Variants in GDF3 observed in about 807,000 individuals in gnomAD.
GDF3 encodes the protein growth/differentiation factor 3.
GDF3 carries 10 observed loss-of-function variants against 10.2 expected under a neutral mutation model. The ratio of observed to expected loss-of-function variants is 0.98; its 90% confidence interval spans 0.60 to 1.66. The LOEUF (loss-of-function observed/expected upper bound fraction) is 1.66, where lower values mean the gene tolerates loss of function less well. GDF3 is among the 40% of genes most tolerant of loss of function. The pLI is 0.00. For synonymous variants in GDF3, 166 were observed against 178.5 expected, an observed-to-expected ratio of 0.93 and a Z score of 0.56; for missense variants, 450 against 438.3, an observed-to-expected ratio of 1.03 and a Z score of -0.24.
At chr12:7,694,697 T>C (rs137944689) in intron 1 of GDF3, among the ~76,000 whole-genome samples, 140 of 152,114 alleles carry the variant, frequency 9.2e-4, no homozygotes, top group African/African-American at 3.2e-3. Flanking sequence ...TTCTCTCCAG[T>C]TGCTGTAAAA....
rs765109445 is a variant in GDF3, at chr12:7,695,449, C to T, written c.268+12G>A. On this transcript the variant is annotated intron_variant, in intron 1 of 1. Coordinates refer to ENST00000329913, the MANE Select transcript of GDF3 (RefSeq NM_020634.3). ...TCCAGATGTTTTTCTGGATAACACT[C>T]TATTTCCTTACCTTGGTCTGGGAGA... 6.8e-6 allele frequency: 11 copies of T among 1,613,170 alleles called. No homozygotes were observed. Among genetic ancestry groups the T allele is most frequent in the African/African-American group, 2.7e-5 (2 of 74,888 alleles).
At chr12:7,692,009 AAAATAAAAAAT>A (rs891815854) in intron 1 of GDF3, among the ~76,000 whole-genome samples, 6 of 151,794 alleles carry the variant, frequency 4.0e-5, no homozygotes, top group Non-Finnish European at 7.4e-5. Flanking sequence ...TCTGCCTCAA[AAAATAAAAAAT>A]AAATAAAAAA....
intron 1 of GDF3, among the ~76,000 whole-genome samples, 192 bp from the exon 2 acceptor site, chr12:7,690,896 A>G (rs944161315): frequency 6.6e-6 from 1 of 152,112 alleles, no homozygotes; most frequent in African/African-American, 2.4e-5. Context: ...TCACGCCTGT[A>G]ATCCCAGCAC....
rs183940518 is a variant in GDF3, at chr12:7,692,756, G to A, written c.269-2052C>T. 1.5e-3 allele frequency among the ~76,000 whole-genome samples: 221 copies of A among 151,888 alleles called. 2 individuals are homozygous for A. Among genetic ancestry groups the A allele is most frequent in the African/African-American group, 4.2e-3 (172 of 41,432 alleles). On this transcript the variant is annotated intron_variant, in intron 1 of 1. Transcript: ENST00000329913. ...TGACCTCAGGTGATCCGCCCACCTC[G>A]GCCTCCCAAAGTGTTGGGATTACAG...
intron 1 of GDF3, among the ~76,000 whole-genome samples, chr12:7,691,625 T>C (rs1249683522): frequency 6.6e-6 from 1 of 151,260 alleles, no homozygotes; most frequent in East Asian, 1.9e-4. Flanking sequence ...AAATTTATGG[T>C]AGTTATAGGT....
At chr12:7,691,863 C>G (rs771807041) in intron 1 of GDF3, among the ~76,000 whole-genome samples, 1 of 151,664 alleles carries the variant, frequency 6.6e-6, no homozygotes, top group South Asian at 2.1e-4. Context: ...AAAAATTAGC[C>G]GGGCAAGGTG....
chr12:7,693,584 C>G (rs1262977687), intron 1 of GDF3, among the ~76,000 whole-genome samples: 2 of 151,198 alleles, frequency 1.3e-5, no homozygotes, highest in African/African-American at 4.9e-5. Flanking sequence ...GGAGAAATTA[C>G]AACTCAAACC....
In GDF3 at chr12:7,695,753, G is replaced by C. The variant is rs774336055; in HGVS notation, c.-25C>G. 4.3e-6 allele frequency: 7 copies of C among 1,613,268 alleles called. No individual in the cohort carries two copies. In the South Asian group the frequency reaches 4.4e-5, roughly 10 times the overall value. ...TGGCCTCTGGAGTGGCTGTCAGACC[G>C]GGGAGAGCTCCACTGCCAGACTGCC... On this transcript the variant is annotated 5_prime_UTR_variant, in exon 1 of 2. Coordinates refer to ENST00000329913, the MANE Select transcript of GDF3 (RefSeq NM_020634.3).
rs1271418881 is a variant in GDF3 at position 7,690,251 on chromosome 12, T to C, written c.722A>G (p.Asp241Gly). The C allele has an allele frequency of 8.1e-6, 13 of 1,613,920 alleles. No individual in the cohort carries two copies. In the South Asian group the frequency reaches 1.4e-4, roughly 18 times the overall value. The stretch of plus-strand genomic sequence containing the variant: ...CCTTTTCCGAGAAGGGTGGCACTGA[T>C]CAGGGTTGAGAGTCACCACCAGCAG... Reference protein sequence around the residue: ...ASLLVVTLNPDQCHPSRKRRA... With the variant: ...ASLLVVTLNPGQCHPSRKRRA... The change falls in exon 2 of 2, where the codon GAT (aspartate) becomes GGT (glycine). Residue 241 changes from aspartate (D) to glycine (G), a missense_variant. Transcript: ENST00000329913.
chr12:7,695,302 T>C (rs1220994879), intron 1 of GDF3, among the ~76,000 whole-genome samples, 159 bp downstream of exon 1: 1 of 152,216 alleles, frequency 6.6e-6, no homozygotes, highest in Non-Finnish European at 1.5e-5. Flanking sequence ...TTGATAAGAA[T>C]ATCTAACTTC....
rs375877721 is a variant in GDF3 at position 7,690,172 on chromosome 12, G to A, written c.801C>T (p.His267=). ...GGTCCCGGAAGTTAATGAATAGCTG[G>A]TGACGGTGGCAGAGGTTCTTACAAG... is the stretch of plus-strand genomic sequence containing the variant. The part of the protein sequence containing the change: ...KLSCKNLCHR[H]QLFINFRDLG... Residue 267 remains histidine, a synonymous_variant, in exon 2 of 2, where the codon CAC becomes CAT. Transcript: ENST00000329913. 1.9e-6 allele frequency: 3 copies of A among 1,614,164 alleles called. No homozygotes were observed.
rs780787386 is a variant in GDF3, at chr12:7,695,497, C to T, written c.232G>A (p.Val78Ile). The change falls in exon 1 of 2, where the codon GTC becomes ATC. Residue 78 changes from valine (V) to isoleucine (I), a missense_variant. Physicochemically the swap from Val to Ile is conservative, Grantham distance 29 (BLOSUM62 3). Transcript: ENST00000329913. ...RDLCYVKELG[V>I]RGNVLRFLPD... ...AGAAAGCGAAGTACATTCCCGCGGA[C>T]GCCCAGCTCCTTTACGTAGCATAAG... The T allele has an allele frequency of 6.8e-6, 11 of 1,613,952 alleles. No homozygotes were observed. The highest frequency in any genetic ancestry group is 2.2e-5 in the East Asian group (1 of 44,888).
At position 7,693,547 on chromosome 12, in the gene GDF3, G is replaced by A. The variant is rs116935827; in HGVS notation, c.268+1914C>T. ...GAGCCACCACGCCCAGCCTTAAGTAGGTATTTTCTGAGGTCATTCAGCTTA... is the reference window on the plus strand; with the variant it reads ...GAGCCACCACGCCCAGCCTTAAGTAAGTATTTTCTGAGGTCATTCAGCTTA... On this transcript the variant is annotated intron_variant, in intron 1 of 1. Transcript: ENST00000329913. Among the ~76,000 whole-genome samples the A allele has an allele frequency of 1.5e-4, 23 of 151,022 alleles. No homozygotes were observed. In the East Asian group the frequency reaches 3.8e-3, roughly 25 times the overall value.
Position 7,690,292 on chromosome 12 carries a change from G to A in GDF3, c.681C>T (p.Cys227=), listed in dbSNP as rs777121834. ...CCACCAGCAGGGAAGCATGAAGGGA[G>A]CATCTTAGTCTGGCACAGGTGTCTT... is the stretch of plus-strand genomic sequence containing the variant. ...QPEDTCARLR[C]SLHASLLVVT... The change falls in exon 2 of 2, where the codon TGC becomes TGT. Residue 227 remains cysteine (C), a synonymous_variant. Transcript: ENST00000329913. The A allele has an allele frequency of 6.9e-5, 111 of 1,614,028 alleles. No individual in the cohort carries two copies. Among genetic ancestry groups the A allele is most frequent in the Middle Eastern group, 1.6e-4 (1 of 6,084 alleles).
At chr12:7,695,323 C>T in intron 1 of GDF3, 138 bp downstream of exon 1, 4 of 875,896 alleles carry the variant, frequency 4.6e-6, no homozygotes, top group South Asian at 1.4e-5. Flanking sequence ...CTCTCAGGAT[C>T]GTGGCTGGAA....
In GDF3 at chr12:7,690,502, GC is replaced by G; in HGVS notation, c.470del (p.Gly157AlafsTer30). 1 of 1,613,406 alleles carries G rather than the reference GC, an allele frequency of 6.2e-7. No homozygotes were observed. The highest frequency in any genetic ancestry group is 1.1e-5 in the South Asian group (1 of 91,056). Reference sequence around the variant, plus strand: ...TTTTACCTGGCTTAGGGGTGGTCTGGCCCCACACATGAGGCTCCTGAACCAG... The same window carrying G: ...TTTTACCTGGCTTAGGGGTGGTCTGGCCCACACATGAGGCTCCTGAACCAG... ...LFLVQEPHVW[G>X]QTTPKPGKMF... On this transcript the variant is annotated frameshift_variant, in exon 2 of 2. Transcript: ENST00000329913. LOFTEE classifies it low-confidence loss of function (END_TRUNC).
intron 1 of GDF3, among the ~76,000 whole-genome samples, chr12:7,692,479 GC>G (rs949316829): frequency 6.6e-6 from 1 of 150,404 alleles, no homozygotes; most frequent in African/African-American, 2.4e-5. Context: ...GGTGTTGTTG[GC>G]CAAAGTCCAA....
intron 1 of GDF3, 99 bp downstream of exon 1, chr12:7,695,362 A>G: frequency 9.1e-7 from 1 of 1,094,506 alleles, no homozygotes; most frequent in South Asian, 1.3e-5. Flanking sequence ...GAAAAATACC[A>G]GCACAAGGCC....
At chr12:7,691,348 C>T (rs968307027) in intron 1 of GDF3, among the ~76,000 whole-genome samples, 1 of 151,962 alleles carries the variant, frequency 6.6e-6, no homozygotes, top group Non-Finnish European at 1.5e-5. Flanking sequence ...TCATCAGGGC[C>T]TATGACATTG....
Sources: allele counts gnomAD v4.1 joint callset (sites outside exome capture counted in the v4.1 genomes callset), GRCh38; gene constraint gnomAD v4.1.1; transcripts MANE v1.5; gene names NCBI Gene and HGNC (gene_info 2026-07-23, HGNC 2026-07-21).